The following GPAT4 variants were observed in gnomAD, a reference collection of about 807,000 sequenced individuals.
GPAT4 encodes the protein glycerol-3-phosphate acyltransferase 4.
Under a neutral mutation model 58.0 loss-of-function variants are expected in GPAT4, and 17 were observed. The ratio of observed to expected loss-of-function variants is 0.29; its 90% CI spans 0.20 to 0.44. GPAT4 has a LOEUF of 0.44. Among genes scored for constraint, GPAT4 ranks in the 20% least tolerant of loss-of-function variants. The pLI is 1.00. For synonymous variants in GPAT4, 204 were observed against 210.1 expected (o/e 0.97, Z 0.25); for missense variants, 377 against 574.5 (o/e 0.66, Z 3.51).
At chr8:41,597,820 A>G (rs1802972318) in intron 1 of GPAT4, among the ~76,000 whole-genome samples, 1 of 151,764 alleles carries the variant, frequency 6.6e-6, no homozygotes, top group African/African-American at 2.4e-5. Context: ...GTGAAGAATA[A>G]TACGTCCTTG....
intron 1 of GPAT4, among the ~76,000 whole-genome samples, chr8:41,581,645 T>TTG (rs1310004757): frequency 6.7e-6 from 1 of 149,168 alleles, no homozygotes; most frequent in Non-Finnish European, 1.5e-5. Flanking sequence ...TTTTTTTTTT[T>TTG]TGAGACAGAG....
chr8:41,620,899 G>A lies in GPAT4; in HGVS notation c.1269G>A (p.Gly423=), dbSNP rs1473241207. ...CCAGCCTTTGTCTCTCCAGGGATGG[G>A]GGCCTGAAGAGGGAGAAGGTGAAGG... ...QGGLVDLLWD[G]GLKREKVKDT... is the part of the protein sequence containing the mutation. The change falls in exon 13 of 13, where the codon GGG becomes GGA. Residue 423 remains glycine (G), a synonymous_variant. Transcript: ENST00000396987. 6.4e-7 allele frequency: 1 copy of A among 1,550,934 alleles called. No homozygotes were observed. The highest frequency in any genetic ancestry group is 8.7e-7 in the Non-Finnish European group (1 of 1,147,102).
intron 2 of GPAT4, among the ~76,000 whole-genome samples, chr8:41,600,737 A>G (rs962146766): frequency 6.6e-6 from 1 of 151,682 alleles, no homozygotes; most frequent in African/African-American, 2.4e-5. Flanking sequence ...GAAACCCCAC[A>G]CTCATTAAGC....
chr8:41,582,469 A>ACACACACACACACC (rs1802543295), intron 1 of GPAT4, among the ~76,000 whole-genome samples: 1 of 147,154 alleles, frequency 6.8e-6, no homozygotes, highest in Admixed American at 6.8e-5. Context: ...ACACACACAC[A>ACACACACACACACC]CACACACATC....
chr8:41,621,382 G>A lies in GPAT4; in HGVS notation c.*381G>A, dbSNP rs915535216. The A allele has an allele frequency of 5.3e-4, 101 of 189,532 alleles. No homozygotes were observed. Among genetic ancestry groups the A allele is most frequent in the African/African-American group, 1.5e-3 (64 of 42,756 alleles). The allele number at this position is 189,532 out of a possible 1,614,324, so 11.7% of individuals were successfully genotyped here. A position where few individuals can be genotyped will look rare whatever the true frequency, so the allele number is the denominator to read the frequency against. On this transcript the variant is annotated 3_prime_UTR_variant, in exon 13 of 13. Coordinates refer to ENST00000396987, the MANE Select transcript of GPAT4 (RefSeq NM_178819.4). ...GTACAAGAGTCTGTTATGCAAGCCC[G>A]TGTGCCAGGGATGTGCTGGGGGCGG...
chr8:41,610,710 T>C (rs1011708604), intron 4 of GPAT4, 26 bp from the exon 5 acceptor site: 1 of 1,597,194 alleles, frequency 6.3e-7, no homozygotes, highest in South Asian at 1.1e-5. Flanking sequence ...TTGCTGGCTG[T>C]GCTCTAACTT....
rs367775076 is a variant in GPAT4 at position 41,600,054 on chromosome 8, TC to T, written c.165+751del. 7.7e-3 allele frequency among the ~76,000 whole-genome samples: 1,123 copies of T among 145,026 alleles called. 84 individuals are homozygous for T. The highest frequency in any genetic ancestry group is 0.027 in the African/African-American group (1,021 of 38,402). On this transcript the variant is annotated intron_variant, in intron 2 of 12. Transcript: ENST00000396987. ...TTCTTTTCTTTTTTTTTTTTTTTTTTCGAGACAAGAGTCTCACTCTGTCGCC... is the reference window on the plus strand; with the variant it reads ...TTCTTTTCTTTTTTTTTTTTTTTTTTGAGACAAGAGTCTCACTCTGTCGCC...
At position 41,614,451 on chromosome 8, in the gene GPAT4, G is replaced by A. The variant is rs1301450829; in HGVS notation, c.967+10G>A. On this transcript the variant is annotated intron_variant, in intron 9 of 12. Coordinates refer to ENST00000396987, the MANE Select transcript of GPAT4 (RefSeq NM_178819.4). ...CTCATCTTCCCAGAAGGTAAGAAGG[G>A]GTTGGTTGCCACGAAGGGCTTCTGT... 6.2e-7 allele frequency: 1 copy of A among 1,613,998 alleles called. No homozygotes were observed. Among genetic ancestry groups the A allele is most frequent in the African/African-American group, 1.3e-5 (1 of 75,024 alleles).
intron 1 of GPAT4, among the ~76,000 whole-genome samples, chr8:41,589,198 A>G (rs1802728133): frequency 6.6e-6 from 1 of 152,328 alleles, no homozygotes; most frequent in South Asian, 2.1e-4. Flanking sequence ...TCAGTTTCCA[A>G]ACACTACCGA....
chr8:41,600,049 TTTTTTC>T lies in GPAT4; in HGVS notation c.165+746_165+751del, dbSNP rs1229800075. ...TCTTTTTCTTTTCTTTTTTTTTTTT[TTTTTTC>T]GAGACAAGAGTCTCACTCTGTCGCC... On this transcript the variant is annotated intron_variant, in intron 2 of 12. Transcript: ENST00000396987. Among the ~76,000 whole-genome samples, 9 of 142,272 alleles carry T rather than the reference TTTTTTC, an allele frequency of 6.3e-5. No individual in the cohort carries two copies. In the East Asian group the frequency reaches 1.2e-3, roughly 19 times the overall value. The allele number at this position is 142,272 out of a possible 152,430, so 93.3% of individuals were successfully genotyped here. A position where few individuals can be genotyped will look rare whatever the true frequency, so the allele number is the denominator to read the frequency against.
At chr8:41,605,479 C>T (rs1316113909) in intron 2 of GPAT4, among the ~76,000 whole-genome samples, 5 of 152,128 alleles carry the variant, frequency 3.3e-5, no homozygotes, top group African/African-American at 9.7e-5. Flanking sequence ...AAAAACACGG[C>T]GCATGGAGGG....
chr8:41,616,999 T>G (rs1369966744), intron 10 of GPAT4, among the ~76,000 whole-genome samples: 1 of 152,156 alleles, frequency 6.6e-6, no homozygotes, highest in Non-Finnish European at 1.5e-5. Flanking sequence ...GAATAGAGAA[T>G]CAGCCCGAAA....
Position 41,621,132 on chromosome 8 carries a change from C to T in GPAT4, c.*131C>T. On this transcript the variant is annotated 3_prime_UTR_variant, in exon 13 of 13. Transcript: ENST00000396987. The stretch of plus-strand genomic sequence containing the variant: ...CCCCGGGCTGCTCTGGATCCCAGGA[C>T]TCCGGCTTTCGCCGAGCCGCAGCGG... The T allele has an allele frequency of 2.3e-6, 3 of 1,327,442 alleles. No individual in the cohort carries two copies. The South Asian group carries it at 4.5e-5, about 20-fold the overall frequency. 82.2% of individuals were successfully genotyped at this position (1,327,442 alleles called of 1,614,324 possible). A position where few individuals can be genotyped will look rare whatever the true frequency, so the allele number is the denominator to read the frequency against.
At chr8:41,614,506 T>C (rs1467045688) in intron 9 of GPAT4, 65 bp downstream of exon 9, 3 of 1,514,410 alleles carry the variant, frequency 2.0e-6, no homozygotes, top group African/African-American at 1.4e-5. Flanking sequence ...TGCTGATGTT[T>C]CCTGGGAACC....
intron 1 of GPAT4, among the ~76,000 whole-genome samples, chr8:41,581,867 T>C (rs1387359512): frequency 6.8e-6 from 1 of 147,682 alleles, no homozygotes; most frequent in Non-Finnish European, 1.5e-5. Flanking sequence ...TCTCCTGACC[T>C]CGTGATCCCC....
At chr8:41,606,716 T>A (rs1421263276) in intron 2 of GPAT4, among the ~76,000 whole-genome samples, 3 of 152,098 alleles carry the variant, frequency 2.0e-5, no homozygotes, top group African/African-American at 7.2e-5. Flanking sequence ...GCTATGGCGG[T>A]AAATCAGGTG....
chr8:41,610,595 C>A, intron 4 of GPAT4, 141 bp from the exon 5 acceptor site: 2 of 1,533,284 alleles, frequency 1.3e-6, no homozygotes, highest in South Asian at 1.2e-5. Flanking sequence ...GCTTACATTT[C>A]TAGGTGAACT....
intron 11 of GPAT4, 39 bp from the exon 12 acceptor site, chr8:41,618,859 A>G: frequency 1.9e-6 from 3 of 1,614,218 alleles, no homozygotes; most frequent in Non-Finnish European, 2.5e-6. Context: ...GTGTAACGTC[A>G]AGCCGGGGCT....
chr8:41,615,363 G>C lies in GPAT4; in HGVS notation c.1053+315G>C, dbSNP rs895171375. On this transcript the variant is annotated intron_variant, in intron 10 of 12. Coordinates refer to ENST00000396987, the MANE Select transcript of GPAT4 (RefSeq NM_178819.4). ...CTTCATAAACCTAGCTGGAATGTAG[G>C]CCCCTCCACATGGAAAGCTGGCTGA... Among the ~76,000 whole-genome samples, 11 of 151,718 alleles carry C rather than the reference G, an allele frequency of 7.3e-5. 1 individual carries two copies. The highest frequency in any genetic ancestry group is 7.2e-4 in the Admixed American group (11 of 15,206).
Sources: gnomAD v4.1 joint callset for allele counts (sites outside exome capture counted in the v4.1 genomes callset) on GRCh38, gnomAD v4.1.1 for gene constraint, MANE v1.5 for transcripts, NCBI Gene and HGNC (gene_info 2026-07-23, HGNC 2026-07-21) for gene names.